HS6ST3: variants seen among roughly 807,000 people sequenced by gnomAD.
HS6ST3 encodes heparan sulfate 6-O-sulfotransferase 3, also known as heparan-sulfate 6-O-sulfotransferase 3.
HS6ST3 carries 12 observed loss-of-function variants against 36.7 expected under a neutral mutation model. That is an observed-to-expected ratio of 0.33 (90% CI 0.21 to 0.53). The LOEUF (loss-of-function observed/expected upper bound fraction) is 0.53, where lower values mean the gene tolerates loss of function less well. Among genes scored for constraint, HS6ST3 ranks in the 20% least tolerant of loss-of-function variants. The pLI, the probability that HS6ST3 is intolerant of heterozygous loss-of-function variation, is 0.95. For missense variants in HS6ST3, 584 were observed against 640.9 expected, an observed-to-expected ratio of 0.91 and a Z score of 0.96; for synonymous variants, 240 against 257.5, an observed-to-expected ratio of 0.93 and a Z score of 0.65.
intron 1 of HS6ST3, among the ~76,000 whole-genome samples, chr13:96,325,374 A>G (rs977711186): frequency 2.0e-5 from 3 of 152,168 alleles, no homozygotes; most frequent in African/African-American, 7.2e-5. Context: ...CTGATTATCT[A>G]CAAAGACCCT....
chr13:96,213,666 G>A (rs533929185), intron 1 of HS6ST3, among the ~76,000 whole-genome samples: 1 of 152,054 alleles, frequency 6.6e-6, no homozygotes, highest in Non-Finnish European at 1.5e-5. Flanking sequence ...CTTTATAAAA[G>A]GAGAGAAAAC....
At chr13:96,150,850 C>G (rs547756354) in intron 1 of HS6ST3, among the ~76,000 whole-genome samples, 1 of 152,208 alleles carries the variant, frequency 6.6e-6, no homozygotes, top group Non-Finnish European at 1.5e-5. Flanking sequence ...AGTAAAAGAT[C>G]TAAATGTACT....
chr13:96,667,337 T>G (rs1348454953), intron 1 of HS6ST3, among the ~76,000 whole-genome samples: 1 of 152,208 alleles, frequency 6.6e-6, no homozygotes, highest in Non-Finnish European at 1.5e-5. Context: ...ATCAGTTGCT[T>G]CTTTGCAGAA....
intron 1 of HS6ST3, among the ~76,000 whole-genome samples, chr13:96,252,720 G>A (rs1007690827): frequency 2.0e-5 from 3 of 152,088 alleles, no homozygotes; most frequent in African/African-American, 7.2e-5. Context: ...GGCCTGTTGG[G>A]AGGTGTTTGG....
chr13:96,296,833 G>A (rs530061159), intron 1 of HS6ST3, among the ~76,000 whole-genome samples: 14 of 151,910 alleles, frequency 9.2e-5, no homozygotes, highest in South Asian at 2.1e-4. Flanking sequence ...TTGCTATATC[G>A]TCCCTTCTCT....
chr13:96,638,521 G>C (rs572978772), intron 1 of HS6ST3, among the ~76,000 whole-genome samples: 1 of 151,932 alleles, frequency 6.6e-6, no homozygotes, highest in African/African-American at 2.4e-5. Context: ...GAGGGACTAG[G>C]TGGAGGTAAT....
chr13:96,423,597 C>T (rs575304425), intron 1 of HS6ST3, among the ~76,000 whole-genome samples: 1 of 151,260 alleles, frequency 6.6e-6, no homozygotes, highest in Non-Finnish European at 1.5e-5. Context: ...GAAGAGCATT[C>T]CAAGCAGAAG....
chr13:96,236,949 C>T (rs2054537342), intron 1 of HS6ST3, among the ~76,000 whole-genome samples: 1 of 152,180 alleles, frequency 6.6e-6, no homozygotes, highest in African/African-American at 2.4e-5. Context: ...CTCACAGTTC[C>T]ATGTGGCTGG....
chr13:96,545,948 A>G (rs541589761), intron 1 of HS6ST3, among the ~76,000 whole-genome samples: 13 of 152,254 alleles, frequency 8.5e-5, no homozygotes, highest in African/African-American at 2.9e-4. Context: ...TTGTATCTCC[A>G]GGGTCTAGCA....
intron 1 of HS6ST3, among the ~76,000 whole-genome samples, chr13:96,630,709 G>C (rs1422323663): frequency 6.6e-6 from 1 of 152,044 alleles, no homozygotes; most frequent in Middle Eastern, 3.2e-3. Flanking sequence ...TTTGATGCTG[G>C]CTTGCCTTTC....
intron 1 of HS6ST3, among the ~76,000 whole-genome samples, chr13:96,818,600 T>A (rs930563043): frequency 5.9e-5 from 9 of 152,196 alleles, no homozygotes; most frequent in African/African-American, 2.2e-4. Flanking sequence ...TACATGAAAG[T>A]TAAAGATGGT....
intron 1 of HS6ST3, among the ~76,000 whole-genome samples, chr13:96,726,596 T>C (rs900167803): frequency 2.0e-5 from 3 of 152,226 alleles, no homozygotes; most frequent in African/African-American, 7.2e-5. Context: ...TCTTGTAGCT[T>C]TTCTTGTATA....
chr13:96,675,134 C>A lies in HS6ST3; in HGVS notation c.708-157356C>A, dbSNP rs546822660. Among the ~76,000 whole-genome samples, 12 of 152,152 alleles carry A rather than the reference C, an allele frequency of 7.9e-5. No individual in the cohort carries two copies. In the East Asian group the frequency reaches 2.1e-3, roughly 27 times the overall value. On this transcript the variant is annotated intron_variant, in intron 1 of 1. Coordinates refer to ENST00000376705, the MANE Select transcript of HS6ST3 (RefSeq NM_153456.4). The stretch of plus-strand genomic sequence containing the variant: ...AAAAGCTAATGTTTGGACAAGAATG[C>A]GAACAGAAACGAAACATAATATACA...
At chr13:96,174,397 T>C (rs963656613) in intron 1 of HS6ST3, among the ~76,000 whole-genome samples, 3 of 152,134 alleles carry the variant, frequency 2.0e-5, no homozygotes, top group Non-Finnish European at 4.4e-5. Flanking sequence ...ATTTTTTAGG[T>C]ATTTAATTAA....
chr13:96,506,189 GATA>G (rs1184487766), intron 1 of HS6ST3, among the ~76,000 whole-genome samples: 1 of 152,080 alleles, frequency 6.6e-6, no homozygotes, highest in African/African-American at 2.4e-5. Context: ...AGTTGGCAGT[GATA>G]ATAATAGTAA....
At chr13:96,718,419 A>G (rs898092318) in intron 1 of HS6ST3, among the ~76,000 whole-genome samples, 2 of 152,172 alleles carry the variant, frequency 1.3e-5, no homozygotes, top group South Asian at 4.1e-4. Context: ...AGGAACTGTT[A>G]CCAACTGTGA....
chr13:96,484,753 G>A (rs755820534), intron 1 of HS6ST3, among the ~76,000 whole-genome samples: 7 of 152,238 alleles, frequency 4.6e-5, no homozygotes, highest in Middle Eastern at 3.4e-3. Flanking sequence ...ATCCATTGAT[G>A]GACACTTAGG....
At chr13:96,535,867 G>A (rs2056153343) in intron 1 of HS6ST3, among the ~76,000 whole-genome samples, 1 of 152,196 alleles carries the variant, frequency 6.6e-6, no homozygotes, top group Non-Finnish European at 1.5e-5. Context: ...CCTAATGCCA[G>A]CAAGAGGGAA....
intron 1 of HS6ST3, among the ~76,000 whole-genome samples, chr13:96,820,132 A>G (rs1878501574): frequency 6.6e-6 from 1 of 152,114 alleles, no homozygotes; most frequent in African/African-American, 2.4e-5. Flanking sequence ...CAGTTTTCTC[A>G]TCTGTAAAAG....
Sources: gnomAD v4.1 joint callset for allele counts (sites outside exome capture counted in the v4.1 genomes callset) on GRCh38, gnomAD v4.1.1 for gene constraint, MANE v1.5 for transcripts, NCBI Gene and HGNC (gene_info 2026-07-23, HGNC 2026-07-21) for gene names.